The following PCTP variants were observed in gnomAD, a reference collection of about 807,000 sequenced individuals.
The protein encoded by PCTP is START domain-containing protein 2.
A neutral mutation model predicts 31.0 loss-of-function variants in PCTP; 27 were observed. The ratio of observed to expected loss-of-function variants is 0.87; its 90% CI spans 0.64 to 1.20. PCTP has a LOEUF of 1.20. PCTP is among the 50% of genes most tolerant of loss of function. PCTP has a pLI of 0.00. For synonymous variants in PCTP, 108 were observed against 101.2 expected, an observed-to-expected ratio of 1.07 and a Z score of -0.40; for missense variants, 287 against 268.2, an observed-to-expected ratio of 1.07 and a Z score of -0.49.
chr17:55,787,942 C>T (rs1251743470), intron 3 of PCTP, among the ~76,000 whole-genome samples: 1 of 152,116 alleles, frequency 6.6e-6, no homozygotes, highest in East Asian at 1.9e-4. Context: ...TAATATGGCC[C>T]TCAGAGTTGA....
downstream of PCTP, among the ~76,000 whole-genome samples, chr17:55,828,056 C>T (rs926008111): frequency 6.6e-6 from 1 of 152,106 alleles, no homozygotes; most frequent in African/African-American, 2.4e-5. Flanking sequence ...AGGCAGGAAA[C>T]TTTCTAGGGG....
At chr17:55,836,066 A>G (rs1236077850) in intron 5 of PCTP, among the ~76,000 whole-genome samples, 6 of 152,194 alleles carry the variant, frequency 3.9e-5, no homozygotes, top group Non-Finnish European at 5.9e-5. Flanking sequence ...TCTGTGTTGC[A>G]ATAGGCTAGC....
At chr17:55,788,220 C>T (rs1284352829) in intron 3 of PCTP, among the ~76,000 whole-genome samples, 1 of 152,204 alleles carries the variant, frequency 6.6e-6, no homozygotes, top group Non-Finnish European at 1.5e-5. Context: ...ACCATGCTAA[C>T]TTTAACCTCT....
downstream of PCTP, among the ~76,000 whole-genome samples, chr17:55,843,626 A>G (rs1439902832): frequency 2.0e-5 from 3 of 152,184 alleles, no homozygotes; most frequent in Admixed American, 2.0e-4. Context: ...GTCAGACTGA[A>G]TAGGGATCTG....
At chr17:55,795,929 G>A (rs1049590599) in intron 3 of PCTP, among the ~76,000 whole-genome samples, 1 of 152,010 alleles carries the variant, frequency 6.6e-6, no homozygotes, top group Admixed American at 6.6e-5. Flanking sequence ...TTTAAAACAT[G>A]TTAATGAAAT....
intron 1 of PCTP, among the ~76,000 whole-genome samples, chr17:55,756,414 G>C (rs558902123): frequency 9.8e-5 from 15 of 152,296 alleles, no homozygotes; most frequent in African/African-American, 3.4e-4. Context: ...GTCCAGAAAG[G>C]CCCTCTGTGG....
chr17:55,834,786 A>G (rs1905722964), intron 5 of PCTP, among the ~76,000 whole-genome samples: 1 of 152,140 alleles, frequency 6.6e-6, no homozygotes, highest in Admixed American at 6.5e-5. Context: ...AGGGGGGCAG[A>G]GGGATGCAAA....
intron 3 of PCTP, among the ~76,000 whole-genome samples, chr17:55,821,945 A>G (rs1471737141): frequency 6.6e-6 from 1 of 152,114 alleles, no homozygotes; most frequent in South Asian, 2.1e-4. Flanking sequence ...CGCTGTGGAT[A>G]TGGGGTGGCA....
At chr17:55,755,763 C>CT (rs1909982489) in intron 1 of PCTP, among the ~76,000 whole-genome samples, 1 of 152,146 alleles carries the variant, frequency 6.6e-6, no homozygotes, top group South Asian at 2.1e-4. Context: ...ATGATAATAA[C>CT]TTTATTTGAT....
At chr17:55,783,102 C>T (rs544397344) in intron 2 of PCTP, among the ~76,000 whole-genome samples, 32 of 152,122 alleles carry the variant, frequency 2.1e-4, no homozygotes, top group South Asian at 6.2e-4. Flanking sequence ...TCTTGTGTTC[C>T]ACCTAATTTT....
In PCTP at chr17:55,776,875, T is replaced by C; in HGVS notation, c.*775T>C. 1 of 995,424 alleles carries C rather than the reference T, an allele frequency of 1.0e-6. No individual in the cohort carries two copies. Among genetic ancestry groups the C allele is most frequent in the Non-Finnish European group, 1.2e-6 (1 of 837,018 alleles). The allele number at this position is 995,424 out of a possible 1,614,324, so 61.7% of individuals were successfully genotyped here. ...AAAGGCTGCCTGTACCTCTCAAGCT[T>C]TGCATTTTACTGGAAACTGAGGCGT... is the stretch of plus-strand genomic sequence containing the variant. On this transcript the variant is annotated 3_prime_UTR_variant, in exon 6 of 6. Coordinates refer to ENST00000268896, the MANE Select transcript of PCTP (RefSeq NM_021213.4).
chr17:55,845,085 C>CAAAAAAAAAAAAAAAAAA (rs891404386), downstream of PCTP, among the ~76,000 whole-genome samples: 2 of 32,526 alleles, frequency 6.1e-5, no homozygotes, highest in African/African-American at 1.0e-4. Context: ...AAAACTCCAT[C>CAAAAAAAAAAAAAAAAAA]AAAAAAAAAA....
intron 1 of PCTP, among the ~76,000 whole-genome samples, chr17:55,751,858 G>C (rs1454607068): frequency 6.6e-6 from 1 of 152,176 alleles, no homozygotes; most frequent in Admixed American, 6.5e-5. Flanking sequence ...TTTGGAATCA[G>C]GTAGCCATCC....
intron 5 of PCTP, among the ~76,000 whole-genome samples, chr17:55,833,164 G>A (rs1905662580): frequency 1.3e-5 from 2 of 152,112 alleles, no homozygotes; most frequent in Admixed American, 1.3e-4. Flanking sequence ...TAGATGTGAG[G>A]ATATTAGAGC....
chr17:55,774,646 A>G (rs1911205924), intron 4 of PCTP, 146 bp from the exon 5 acceptor site: 6 of 652,208 alleles, frequency 9.2e-6, no homozygotes, highest in South Asian at 1.8e-5. Context: ...AGGGCAGTCA[A>G]TGGAGAGAAG....
At chr17:55,791,178 G>A (rs751452871) in intron 3 of PCTP, among the ~76,000 whole-genome samples, 20,970 of 151,164 alleles carry the variant, frequency 0.14, 1,482 homozygotes, top group Middle Eastern at 0.19. Context: ...AGACGTAAAC[G>A]TTAGACCTAA....
chr17:55,776,055 G>C lies in PCTP; in HGVS notation c.600G>C (p.Leu200Phe). 1 of 1,613,900 alleles carries C rather than the reference G, an allele frequency of 6.2e-7. No homozygotes were observed. The highest frequency in any genetic ancestry group is 8.5e-7 in the Non-Finnish European group (1 of 1,179,908). The stretch of plus-strand genomic sequence containing the variant: ...TGCAGAATGGAGTTCCTAACTTCTT[G>C]AAAGACATGGCAAGAGCCTGTCAGA... ...WAAKNGVPNF[L>F]KDMARACQNY... The change falls in exon 6 of 6, where the codon TTG (leucine) becomes TTC (phenylalanine). Residue 200 changes from leucine to phenylalanine, a missense_variant. Physicochemically the swap from Leu to Phe is conservative, Grantham distance 22. Transcript: ENST00000268896.
intron 2 of PCTP, among the ~76,000 whole-genome samples, chr17:55,785,152 C>T (rs1198106678): frequency 6.6e-6 from 1 of 152,266 alleles, no homozygotes; most frequent in Non-Finnish European, 1.5e-5. Flanking sequence ...AATACTCTGC[C>T]TTCGTCCATT....
intron 3 of PCTP, among the ~76,000 whole-genome samples, chr17:55,810,572 G>A (rs905315143): frequency 6.6e-6 from 1 of 152,194 alleles, no homozygotes; most frequent in Admixed American, 6.5e-5. Context: ...TTTATCACAG[G>A]AGTGAACCTC....
Sources: gnomAD v4.1 joint callset for allele counts (sites outside exome capture counted in the v4.1 genomes callset) on GRCh38, gnomAD v4.1.1 for gene constraint, MANE v1.5 for transcripts, NCBI Gene and HGNC (gene_info 2026-07-23, HGNC 2026-07-21) for gene names.